Variants in PIKFYVE observed in about 807,000 individuals in gnomAD.
The protein encoded by PIKFYVE is 1-phosphatidylinositol 3-phosphate 5-kinase.
PIKFYVE carries 122 observed loss-of-function variants against 257.9 expected under a neutral mutation model. That is an observed-to-expected ratio of 0.47 (90% CI 0.41 to 0.55). PIKFYVE has a LOEUF of 0.55. PIKFYVE is among the 20% of genes least tolerant of loss of function. The probability of loss-of-function intolerance (pLI) is 0.00; values close to 1 mark genes in which losing one functional copy is unlikely to be tolerated. For missense variants in PIKFYVE, 2,160 were observed against 2,536.6 expected, an observed-to-expected ratio of 0.85 and a Z score of 3.19; for synonymous variants, 892 against 868.9, an observed-to-expected ratio of 1.03 and a Z score of -0.47.
chr2:208,314,438 T>G lies in PIKFYVE; in HGVS notation c.1826+15T>G, dbSNP rs777677802. The G allele has an allele frequency of 2.5e-6, 4 of 1,610,808 alleles. No individual in the cohort carries two copies. Among genetic ancestry groups the G allele is most frequent in the Non-Finnish European group, 3.4e-6 (4 of 1,178,174 alleles). On this transcript the variant is annotated intron_variant, in intron 14 of 41. Transcript: ENST00000264380. ...GAGAGGTTGCTGTAAGGCAATGAAATTTTTAATTTTAATTTTTCACTTTTA... is the reference window on the plus strand; with the variant it reads ...GAGAGGTTGCTGTAAGGCAATGAAAGTTTTAATTTTAATTTTTCACTTTTA...
chr2:208,326,447 C>T lies in PIKFYVE; in HGVS notation c.3618+18C>T. 1 of 1,609,652 alleles carries T rather than the reference C, an allele frequency of 6.2e-7. No homozygotes were observed. Among genetic ancestry groups the T allele is most frequent in the Non-Finnish European group, 8.5e-7 (1 of 1,176,182 alleles). ...CAACAAAGGTGAGCCAGACCACTTT[C>T]TGATGCTCCTGTGCATTTAGGATGT... On this transcript the variant is annotated intron_variant, in intron 20 of 41. Transcript: ENST00000264380.
At chr2:208,329,742 A>G (rs1258252280) in intron 21 of PIKFYVE, 100 bp from the exon 22 acceptor site, 1 of 1,534,680 alleles carries the variant, frequency 6.5e-7, no homozygotes, top group Non-Finnish European at 8.8e-7. Context: ...ACTTCATTGT[A>G]AGTACCATAC....
rs146184629 is a variant in PIKFYVE at position 208,321,642 on chromosome 2, A to G, written c.2190+1283A>G. Among the ~76,000 whole-genome samples the G allele has an allele frequency of 7.4e-3, 1,075 of 145,846 alleles. 14 individuals are homozygous for G. Among genetic ancestry groups the G allele is most frequent in the African/African-American group, 0.026 (1,014 of 39,394 alleles). On this transcript the variant is annotated intron_variant, in intron 17 of 41. Transcript: ENST00000264380. ...CCCCAGGCTGGAGCGCAATGGTGCA[A>G]TCTTGGCTCACTGAAACCCCTGCCT...
At chr2:208,293,890 A>G (rs1008305565) in intron 7 of PIKFYVE, among the ~76,000 whole-genome samples, 9 of 151,934 alleles carry the variant, frequency 5.9e-5, no homozygotes, top group Admixed American at 1.3e-4. Context: ...AGTTTTGCCT[A>G]TGTGTAGTTT....
intron 33 of PIKFYVE, among the ~76,000 whole-genome samples, chr2:208,345,547 A>G (rs916491653): frequency 6.6e-6 from 1 of 152,138 alleles, no homozygotes; most frequent in Non-Finnish European, 1.5e-5. Context: ...TGAATTGTTT[A>G]TAATAAATAA....
intron 8 of PIKFYVE, among the ~76,000 whole-genome samples, chr2:208,299,134 C>T (rs142509862): frequency 2.0e-5 from 3 of 151,992 alleles, no homozygotes; most frequent in East Asian, 2.0e-4. Context: ...CCACTGCACC[C>T]AGCCTGTCAC....
chr2:208,284,746 T>G (rs979991617), intron 5 of PIKFYVE, among the ~76,000 whole-genome samples: 2 of 152,174 alleles, frequency 1.3e-5, no homozygotes, highest in African/African-American at 4.8e-5. Flanking sequence ...GTTGTTTCCA[T>G]TTGTGTTGGT....
intron 12 of PIKFYVE, among the ~76,000 whole-genome samples, chr2:208,308,813 TTCTCCTGTCTTAGCCTCCCAAG>T (rs1694646210): frequency 6.6e-6 from 1 of 151,890 alleles, no homozygotes; most frequent in African/African-American, 2.4e-5. Context: ...GTTAAAGTGA[TTCTCCTGTCTTAGCCTCCCAAG>T]TAGCTGGGAT....
At chr2:208,335,044 G>T (rs1327250321) in intron 24 of PIKFYVE, among the ~76,000 whole-genome samples, 1 of 152,058 alleles carries the variant, frequency 6.6e-6, no homozygotes, top group African/African-American at 2.4e-5. Context: ...AATCGTTTTT[G>T]GTTTTACAGC....
chr2:208,274,792 T>A (rs1689895120), intron 3 of PIKFYVE, among the ~76,000 whole-genome samples: 1 of 149,242 alleles, frequency 6.7e-6, no homozygotes, highest in Non-Finnish European at 1.5e-5. Flanking sequence ...CAATAAACTC[T>A]CCTTAGCTCT....
chr2:208,283,472 C>G (rs1303113971), intron 5 of PIKFYVE, among the ~76,000 whole-genome samples: 1 of 152,122 alleles, frequency 6.6e-6, no homozygotes, highest in Non-Finnish European at 1.5e-5. Context: ...AATTTTAGTT[C>G]TAATAGCTGA....
chr2:208,290,601 G>A (rs1299433000), intron 7 of PIKFYVE, among the ~76,000 whole-genome samples: 2 of 152,154 alleles, frequency 1.3e-5, no homozygotes, highest in African/African-American at 4.8e-5. Context: ...TTTTTTGTGG[G>A]TGTAATTTTC....
At chr2:208,297,127 T>C (rs1484640695) in intron 7 of PIKFYVE, among the ~76,000 whole-genome samples, 1 of 152,358 alleles carries the variant, frequency 6.6e-6, no homozygotes, top group East Asian at 1.9e-4. Flanking sequence ...CGTAATTTAG[T>C]CAATGAATGC....
chr2:208,315,767 C>T (rs1417522009), intron 15 of PIKFYVE, among the ~76,000 whole-genome samples: 1 of 151,974 alleles, frequency 6.6e-6, no homozygotes, highest in Non-Finnish European at 1.5e-5. Context: ...GGGCTGCATG[C>T]AGCCCAAGAC....
At position 208,357,186 on chromosome 2, in the gene PIKFYVE, A is replaced by T. The variant is rs1032846987; in HGVS notation, c.*1881A>T. 6.6e-6 allele frequency: 1 copy of T among 152,260 alleles called. No homozygotes were observed. Among genetic ancestry groups the T allele is most frequent in the Non-Finnish European group, 1.5e-5 (1 of 68,044 alleles). 9.4% of individuals were successfully genotyped at this position (152,260 alleles called of 1,614,324 possible). A position where few individuals can be genotyped will look rare whatever the true frequency, so the allele number is the denominator to read the frequency against. On this transcript the variant is annotated 3_prime_UTR_variant, in exon 42 of 42. Coordinates refer to ENST00000264380, the MANE Select transcript of PIKFYVE (RefSeq NM_015040.4). The stretch of plus-strand genomic sequence containing the variant: ...AAAGGAGCTGTACAGAGGTAAAAAA[A>T]TAAATGTGGAACATTATTAACTTAC...
chr2:208,269,260 A>T (rs1285079864), intron 1 of PIKFYVE: 3 of 152,496 alleles, frequency 2.0e-5, no homozygotes, highest in Admixed American at 6.5e-5. Context: ...ATTTTGAAAC[A>T]GTAGGTAGCC....
chr2:208,271,319 T>C (rs1689391829), intron 1 of PIKFYVE, among the ~76,000 whole-genome samples, 192 bp from the exon 2 acceptor site: 1 of 152,226 alleles, frequency 6.6e-6, no homozygotes, highest in South Asian at 2.1e-4. Flanking sequence ...TTGTAGATGA[T>C]TGGGGCTCTT....
At chr2:208,341,761 C>T (rs888051028) in intron 31 of PIKFYVE, among the ~76,000 whole-genome samples, 11 of 151,968 alleles carry the variant, frequency 7.2e-5, no homozygotes, top group Non-Finnish European at 1.6e-4. Context: ...AAATTACCCC[C>T]TAAAGGCCCT....
intron 1 of PIKFYVE, among the ~76,000 whole-genome samples, chr2:208,266,886 T>C (rs1688709836): frequency 6.6e-6 from 1 of 152,258 alleles, no homozygotes; most frequent in Non-Finnish European, 1.5e-5. Context: ...CCTCTGCTAT[T>C]TGAGACGATT....
Sources: gnomAD v4.1 joint callset for allele counts (sites outside exome capture counted in the v4.1 genomes callset) on GRCh38, gnomAD v4.1.1 for gene constraint, MANE v1.5 for transcripts, NCBI Gene and HGNC (gene_info 2026-07-23, HGNC 2026-07-21) for gene names.